Variants in UTS2 observed in about 807,000 individuals in gnomAD.
The protein encoded by UTS2 is urotensin 2.
Under a neutral mutation model 12.6 loss-of-function variants are expected in UTS2, and 10 were observed. That is an observed-to-expected ratio of 0.80 (90% CI 0.49 to 1.35). The LOEUF is 1.35. Ranked by LOEUF, UTS2 falls within the 40% of genes most tolerant of loss-of-function variation. The probability of loss-of-function intolerance (pLI) is 0.00; values close to 1 mark genes in which losing one functional copy is unlikely to be tolerated. For missense variants in UTS2, 142 were observed against 143.2 expected, an observed-to-expected ratio of 0.99 and a Z score of 0.04; for synonymous variants, 52 against 50.0, an observed-to-expected ratio of 1.04 and a Z score of -0.17.
At chr1:7,892,004 G>T in the UTS2 span, among the ~76,000 whole-genome samples, 2 of 152,168 alleles carry the variant, frequency 1.3e-5, no homozygotes, top group Admixed American at 6.5e-5. Flanking sequence ...CCAGCCCTCT[G>T]CCTGGTGAAG....
chr1:7,894,297 C>G, the UTS2 span, among the ~76,000 whole-genome samples: 2 of 151,920 alleles, frequency 1.3e-5, no homozygotes, highest in African/African-American at 4.8e-5. Context: ...ATGCTCCTAC[C>G]TCATCCTCCC....
At chr1:7,901,002 A>T in the UTS2 span, among the ~76,000 whole-genome samples, 1 of 152,190 alleles carries the variant, frequency 6.6e-6, no homozygotes, top group Non-Finnish European at 1.5e-5. Flanking sequence ...AATTTGACAA[A>T]GATTTTTACT....
At chr1:7,903,377 A>G in the UTS2 span, among the ~76,000 whole-genome samples, 1 of 134,390 alleles carries the variant, frequency 7.4e-6, no homozygotes, top group Non-Finnish European at 1.6e-5. Flanking sequence ...TTTTTTAATT[A>G]TTAATTAATT....
At chr1:7,885,098 T>C in the UTS2 span, among the ~76,000 whole-genome samples, 1 of 148,674 alleles carries the variant, frequency 6.7e-6, no homozygotes, top group Non-Finnish European at 1.5e-5. Context: ...CCACCCATCA[T>C]CCATGCATCC....
At chr1:7,853,293 A>T (rs1433972160), upstream of UTS2, 6 of 1,614,012 alleles carry the variant, frequency 3.7e-6, no homozygotes, top group Non-Finnish European at 5.1e-6. Context: ...AATCTGGCAA[A>T]AGAGGCAACT....
the UTS2 span, among the ~76,000 whole-genome samples, chr1:7,899,986 G>A: frequency 6.6e-6 from 1 of 152,216 alleles, no homozygotes; most frequent in African/African-American, 2.4e-5. Flanking sequence ...ATCGCAGAGA[G>A]AGCGAGAGTG....
chr1:7,881,154 C>G, the UTS2 span, among the ~76,000 whole-genome samples: 1 of 152,134 alleles, frequency 6.6e-6, no homozygotes, highest in Non-Finnish European at 1.5e-5. Context: ...ATAATAAAGG[C>G]CACGTATAAC....
the UTS2 span, among the ~76,000 whole-genome samples, chr1:7,891,537 A>AAAG: frequency 1.5e-4 from 1 of 6,658 alleles, no homozygotes; most frequent in African/African-American, 6.6e-4. Context: ...GAAAGAAAGA[A>AAAG]AAGAAAGAAA....
the UTS2 span, among the ~76,000 whole-genome samples, chr1:7,859,508 G>A: frequency 6.6e-6 from 1 of 152,160 alleles, no homozygotes; most frequent in African/African-American, 2.4e-5. Flanking sequence ...AATGTGGAGA[G>A]GGCCTCGAAG....
upstream of UTS2, among the ~76,000 whole-genome samples, chr1:7,855,321 C>A (rs941232499): frequency 5.9e-5 from 9 of 152,092 alleles, no homozygotes; most frequent in Non-Finnish European, 1.0e-4. Flanking sequence ...CGGTGGCTCA[C>A]GCCTATAATC....
chr1:7,905,848 G>A, the UTS2 span, among the ~76,000 whole-genome samples: 2 of 152,096 alleles, frequency 1.3e-5, no homozygotes, highest in African/African-American at 2.4e-5. Flanking sequence ...GGAAAGGTGG[G>A]TGATTGGTTT....
At chr1:7,849,026 A>G (rs1038656644) in intron 3 of UTS2, among the ~76,000 whole-genome samples, 3 of 152,044 alleles carry the variant, frequency 2.0e-5, no homozygotes, top group Non-Finnish European at 4.4e-5. Context: ...GGTGGGCCGC[A>G]TGTTAGATGG....
At chr1:7,894,708 G>A in the UTS2 span, among the ~76,000 whole-genome samples, 5 of 152,058 alleles carry the variant, frequency 3.3e-5, no homozygotes, top group East Asian at 5.8e-4. Flanking sequence ...ATGGCCGGGC[G>A]CGGTGGCTCA....
At chr1:7,912,708 T>C in the UTS2 span, among the ~76,000 whole-genome samples, 1 of 152,242 alleles carries the variant, frequency 6.6e-6, no homozygotes, top group East Asian at 1.9e-4. Flanking sequence ...CCTCTGGCTC[T>C]GCCTGTGACC....
intron 2 of UTS2, among the ~76,000 whole-genome samples, chr1:7,850,520 T>A (rs2097412904): frequency 6.6e-6 from 1 of 152,088 alleles, no homozygotes; most frequent in Non-Finnish European, 1.5e-5. Context: ...AACTAGGATT[T>A]TAAATTGCAC....
At chr1:7,890,707 C>G in the UTS2 span, among the ~76,000 whole-genome samples, 15 of 123,488 alleles carry the variant, frequency 1.2e-4, no homozygotes, top group East Asian at 3.4e-3. Context: ...GCCTGGACAA[C>G]AGAGTGAGAC....
the UTS2 span, among the ~76,000 whole-genome samples, chr1:7,870,285 C>T: frequency 0.021 from 3,124 of 152,164 alleles, 92 homozygotes; most frequent in African/African-American, 0.071. Context: ...CACAGAGGGA[C>T]GACCGAGTGA....
chr1:7,897,701 C>T, the UTS2 span, among the ~76,000 whole-genome samples: 1 of 152,124 alleles, frequency 6.6e-6, no homozygotes, highest in African/African-American at 2.4e-5. Flanking sequence ...ATTCTCTTGC[C>T]TCAACCTCCT....
At chr1:7,905,749 C>G in the UTS2 span, among the ~76,000 whole-genome samples, 1 of 152,134 alleles carries the variant, frequency 6.6e-6, no homozygotes, top group Admixed American at 6.5e-5. Flanking sequence ...AGTTGTATTT[C>G]TTCCTTGGTG....
Sources: gnomAD v4.1 joint callset for allele counts (sites outside exome capture counted in the v4.1 genomes callset) on GRCh38, gnomAD v4.1.1 for gene constraint, MANE v1.5 for transcripts, NCBI Gene and HGNC (gene_info 2026-07-23, HGNC 2026-07-21) for gene names.